Variants in TENM3 observed in about 807,000 individuals in gnomAD.
TENM3 encodes the protein teneurin-3.
Under a neutral mutation model 255.1 loss-of-function variants are expected in TENM3, and 63 were observed. The ratio of observed to expected loss-of-function variants is 0.25; its 90% CI spans 0.20 to 0.30. The LOEUF is 0.30. Ranked by LOEUF, TENM3 falls within the 10% of genes least tolerant of loss-of-function variation. The probability of loss-of-function intolerance (pLI) is 1.00; values close to 1 mark genes in which losing one functional copy is unlikely to be tolerated. For synonymous variants in TENM3, 1,306 were observed against 1,322.3 expected, an observed-to-expected ratio of 0.99 and a Z score of 0.27; for missense variants, 2,929 against 3,461.1, an observed-to-expected ratio of 0.85 and a Z score of 3.86.
the TENM3 span, among the ~76,000 whole-genome samples, chr4:181,833,248 C>T: frequency 3.9e-5 from 6 of 152,240 alleles, 1 homozygote; most frequent in South Asian, 1.2e-3. Flanking sequence ...ATCCTCAAAT[C>T]TCAAGTGAGT....
chr4:181,804,986 C>T, the TENM3 span, among the ~76,000 whole-genome samples: 1 of 152,286 alleles, frequency 6.6e-6, no homozygotes, highest in East Asian at 1.9e-4. Context: ...CCCTGATTCT[C>T]CTCCATCCAG....
intron 2 of TENM3, among the ~76,000 whole-genome samples, chr4:182,346,068 TATACATACATAC>T (rs60234584): frequency 4.6e-4 from 69 of 149,364 alleles, no homozygotes; most frequent in African/African-American, 1.0e-3. Context: ...CACACACATA[TATACATACATAC>T]ATACATACAT....
the TENM3 span, among the ~76,000 whole-genome samples, chr4:181,937,598 C>T: frequency 3.8e-4 from 58 of 152,278 alleles, no homozygotes; most frequent in African/African-American, 1.1e-3. Flanking sequence ...CATGACTGCA[C>T]GAAGGCCTTT....
In TENM3 at chr4:182,324,800, G is replaced by C. The variant is rs151000538; in HGVS notation, c.232+548G>C. Among the ~76,000 whole-genome samples the C allele has an allele frequency of 1.0e-3, 152 of 152,302 alleles. 1 individual carries two copies. The highest frequency in any genetic ancestry group is 3.5e-3 in the African/African-American group (144 of 41,562). On this transcript the variant is annotated intron_variant, in intron 2 of 27. Coordinates refer to ENST00000511685, the MANE Select transcript of TENM3 (RefSeq NM_001080477.4). ...CATTGTCTTTCTCCCAGGCAACCTA[G>C]TAAATTAAGTTTATACCTTAACACT... is the stretch of plus-strand genomic sequence containing the variant.
chr4:182,699,070 T>G (rs1202285228), intron 12 of TENM3, among the ~76,000 whole-genome samples: 1 of 152,220 alleles, frequency 6.6e-6, no homozygotes, highest in African/African-American at 2.4e-5. Context: ...CGTCCTTGTT[T>G]AGGGTCATAT....
the TENM3 span, among the ~76,000 whole-genome samples, chr4:182,104,247 G>C: frequency 2.6e-5 from 4 of 152,110 alleles, no homozygotes; most frequent in African/African-American, 7.2e-5. Flanking sequence ...AAAATTCTCT[G>C]ATCCAGTGTG....
intron 18 of TENM3, 23 bp downstream of exon 18, chr4:182,738,567 C>CTGATGTTATCTA: frequency 6.3e-7 from 1 of 1,593,022 alleles, no homozygotes; most frequent in Non-Finnish European, 8.6e-7. Flanking sequence ...TCATAGATAA[C>CTGATGTTATCTA]TGATGTTGTA....
At chr4:182,731,714 TGTGTGTG>T (rs1760742288) in intron 16 of TENM3, among the ~76,000 whole-genome samples, 2 of 150,360 alleles carry the variant, frequency 1.3e-5, no homozygotes, top group Non-Finnish European at 3.0e-5. Flanking sequence ...TGTGTGTGTG[TGTGTGTG>T]TGTGTGTGTG....
the TENM3 span, among the ~76,000 whole-genome samples, chr4:181,584,103 T>C: frequency 6.6e-6 from 1 of 152,228 alleles, no homozygotes; most frequent in Non-Finnish European, 1.5e-5. Context: ...AGCACTGACA[T>C]ATTCATAGTC....
At chr4:182,769,766 A>G (rs1764030016) in intron 22 of TENM3, among the ~76,000 whole-genome samples, 1 of 150,684 alleles carries the variant, frequency 6.6e-6, no homozygotes, top group Non-Finnish European at 1.5e-5. Context: ...CCTAGGCAAC[A>G]GAGCAAGACT....
At chr4:182,598,706 G>C (rs941748484) in intron 3 of TENM3, among the ~76,000 whole-genome samples, 1 of 152,182 alleles carries the variant, frequency 6.6e-6, no homozygotes, top group African/African-American at 2.4e-5. Flanking sequence ...TCTAGAAAAT[G>C]TACTTGGGAT....
chr4:182,181,891 GT>G (rs56082218), intron 1 of TENM3, among the ~76,000 whole-genome samples: 196 of 144,256 alleles, frequency 1.4e-3, no homozygotes, highest in African/African-American at 3.5e-3. Flanking sequence ...CTAATGTCCT[GT>G]TTTTTTTTTT....
upstream of TENM3, chr4:182,142,048 G>T (rs991346834): frequency 6.6e-6 from 1 of 152,308 alleles, no homozygotes; most frequent in Non-Finnish European, 1.5e-5. Flanking sequence ...TTACGATCAT[G>T]TCCGGATTCA....
chr4:181,826,485 C>T, the TENM3 span, among the ~76,000 whole-genome samples: 1 of 152,266 alleles, frequency 6.6e-6, no homozygotes, highest in South Asian at 2.1e-4. Context: ...GGCGTGAAAG[C>T]ATTTCTTTCC....
the TENM3 span, among the ~76,000 whole-genome samples, chr4:182,108,718 A>C: frequency 0.011 from 1,739 of 152,332 alleles, 125 homozygotes; most frequent in Admixed American, 0.1. Flanking sequence ...GCAAAAAGCC[A>C]AGAGAACATG....
the TENM3 span, among the ~76,000 whole-genome samples, chr4:181,718,917 T>C: frequency 2.0e-5 from 3 of 152,122 alleles, no homozygotes; most frequent in African/African-American, 7.2e-5. Flanking sequence ...TATATATAAA[T>C]AAAAATGGGC....
At chr4:182,299,034 A>ACTG (rs1386239872) in intron 1 of TENM3, among the ~76,000 whole-genome samples, 1 of 131,180 alleles carries the variant, frequency 7.6e-6, no homozygotes, top group Non-Finnish European at 1.6e-5. Flanking sequence ...TGGACTGGCC[A>ACTG]CTGCAGATTG....
chr4:182,665,397 G>A (rs1342375139), intron 6 of TENM3, among the ~76,000 whole-genome samples: 1 of 152,136 alleles, frequency 6.6e-6, no homozygotes, highest in Non-Finnish European at 1.5e-5. Flanking sequence ...AGTCCCCCAA[G>A]AGCTCTGATG....
the TENM3 span, among the ~76,000 whole-genome samples, chr4:181,845,213 A>T: frequency 6.6e-6 from 1 of 152,282 alleles, no homozygotes; most frequent in African/African-American, 2.4e-5. Context: ...AGTAAGCAGA[A>T]TTTTTTAAAA....
Sources: allele counts gnomAD v4.1 joint callset (sites outside exome capture counted in the v4.1 genomes callset), GRCh38; gene constraint gnomAD v4.1.1; transcripts MANE v1.5; gene names NCBI Gene and HGNC (gene_info 2026-07-23, HGNC 2026-07-21).